The following FKBP15 variants were observed in gnomAD, a reference collection of about 807,000 sequenced individuals.
The protein encoded by FKBP15 is FKBP prolyl isomerase family member 15, also known as FK506-binding protein 15.
A neutral mutation model predicts 158.1 loss-of-function variants in FKBP15; 106 were observed. The ratio of observed to expected loss-of-function variants is 0.67; its 90% CI spans 0.57 to 0.79. The LOEUF is 0.79. FKBP15 is among the 30% of genes least tolerant of loss of function. FKBP15 has a pLI of 0.00. For synonymous variants in FKBP15, 547 were observed against 548.6 expected, an observed-to-expected ratio of 1.00 and a Z score of 0.04; for missense variants, 1,287 against 1,479.1, an observed-to-expected ratio of 0.87 and a Z score of 2.13.
intron 12 of FKBP15, among the ~76,000 whole-genome samples, chr9:113,189,312 TG>T (rs1830535444): frequency 2.0e-5 from 3 of 152,328 alleles, no homozygotes; most frequent in African/African-American, 7.2e-5. Flanking sequence ...AATGATATAA[TG>T]GAACACTGGG....
rs550513892 is a variant in FKBP15, at chr9:113,201,121, T to C, written c.499-1158A>G. ...CATCATTTTTTTTTTTTTAACCAAG[T>C]GAAGAAGACCAAAAGAAAAAAAGGA... On this transcript the variant is annotated intron_variant, in intron 6 of 27. Coordinates refer to ENST00000238256, the MANE Select transcript of FKBP15 (RefSeq NM_015258.2). Among the ~76,000 whole-genome samples the C allele has an allele frequency of 2.0e-5, 3 of 148,060 alleles. No individual in the cohort carries two copies. In the East Asian group the frequency reaches 5.9e-4, roughly 29 times the overall value.
chr9:113,171,998 C>T (rs1484077660), intron 23 of FKBP15, among the ~76,000 whole-genome samples: 1 of 150,990 alleles, frequency 6.6e-6, no homozygotes, highest in Non-Finnish European at 1.5e-5. Flanking sequence ...TCCCTCCCCC[C>T]GTCCCCCAAC....
In FKBP15 at chr9:113,169,890, C is replaced by T. The variant is rs1435965899; in HGVS notation, c.2819G>A (p.Ser940Asn). The T allele has an allele frequency of 1.3e-6, 2 of 1,550,028 alleles. No homozygotes were observed. The highest frequency in any genetic ancestry group is 1.2e-5 in the South Asian group (1 of 84,050). The change falls in exon 26 of 28, where the codon AGC becomes AAC. Residue 940 changes from serine (S) to asparagine (N), a missense_variant. Physicochemically the swap from Ser to Asn is conservative, Grantham distance 46 (BLOSUM62 1). Transcript: ENST00000238256. ...NQQEQEKEES[S>N]SEEEEEKAEE... The stretch of plus-strand genomic sequence containing the variant: ...TGCTTTTTCTTCTTCTTCTTCACTG[C>T]TGCTCTCTTCCTTCTCTTGCTCCTG...
At position 113,190,487 on chromosome 9, in the gene FKBP15, T is replaced by C. The variant is rs765887886; in HGVS notation, c.1157A>G (p.Asn386Ser). The change falls in exon 12 of 28, where the codon AAT becomes AGT. Residue 386 changes from asparagine to serine, a missense_variant. Transcript: ENST00000238256. ...GGGACATACTTCGATTTCTGAATCA[T>C]TGGAATCCAGCTGTGGTGGAAGGAT... is the stretch of plus-strand genomic sequence containing the variant. ...LPILPPQLDS[N>S]DSEIEDVNTL... 16 of 1,610,684 alleles carry C rather than the reference T, an allele frequency of 9.9e-6. No homozygotes were observed. The highest frequency in any genetic ancestry group is 6.7e-5 in the East Asian group (3 of 44,828).
At position 113,161,795 on chromosome 9, in the gene FKBP15, C is replaced by A; in HGVS notation, c.*4283G>T. On this transcript the variant is annotated 3_prime_UTR_variant, in exon 28 of 28. Transcript: ENST00000238256. ...CATTAGCCCCACTTCACAGAGAGGA[C>A]AGCGAGGCCCAGGGAAGGACCAGGA... 7.4e-7 allele frequency: 1 copy of A among 1,346,856 alleles called. No individual in the cohort carries two copies. Among genetic ancestry groups the A allele is most frequent in the South Asian group, 1.2e-5 (1 of 84,324 alleles). 83.4% of individuals were successfully genotyped at this position (1,346,856 alleles called of 1,614,324 possible).
intron 8 of FKBP15, among the ~76,000 whole-genome samples, chr9:113,197,908 A>G (rs1830717290): frequency 6.6e-6 from 1 of 152,234 alleles, no homozygotes; most frequent in Non-Finnish European, 1.5e-5. Context: ...GCTAAGATCT[A>G]TGGGAAAAAG....
At position 113,211,593 on chromosome 9, in the gene FKBP15, C is replaced by T; in HGVS notation, c.54-1G>A. 1 of 1,584,856 alleles carries T rather than the reference C, an allele frequency of 6.3e-7. No homozygotes were observed. On this transcript the variant is annotated splice_acceptor_variant, in intron 1 of 27. Coordinates refer to ENST00000238256, the MANE Select transcript of FKBP15 (RefSeq NM_015258.2). LOFTEE classifies it high-confidence loss of function. ...TCCAAAAAGTGAGGCCAATCTGGCA[C>T]TGTTAGTAGAAAATGAAAAATGAAA...
chr9:113,173,049 T>C (rs1830241348), intron 23 of FKBP15, among the ~76,000 whole-genome samples: 1 of 152,094 alleles, frequency 6.6e-6, no homozygotes, highest in African/African-American at 2.4e-5. Flanking sequence ...CTCTCCTGGG[T>C]ACTTCCTCTT....
chr9:113,162,176 C>G lies in FKBP15; in HGVS notation c.*3902G>C, dbSNP rs1372060420. ...GTTCTGCCCTCTGTCCAGCCCCAGC[C>G]TCACCTGTGCTTAATAAGCCTGCCC... On this transcript the variant is annotated 3_prime_UTR_variant, in exon 28 of 28. Transcript: ENST00000238256. 1 of 304,686 alleles carries G rather than the reference C, an allele frequency of 3.3e-6. No homozygotes were observed. Among genetic ancestry groups the G allele is most frequent in the African/African-American group, 2.3e-5 (1 of 44,184 alleles). The allele number at this position is 304,686 out of a possible 1,614,324, so 18.9% of individuals were successfully genotyped here. A position where few individuals can be genotyped will look rare whatever the true frequency, so the allele number is the denominator to read the frequency against.
Position 113,188,377 on chromosome 9 carries a change from G to A in FKBP15, c.1276+12C>T. On this transcript the variant is annotated intron_variant, in intron 13 of 27. Transcript: ENST00000238256. Reference sequence around the variant, plus strand: ...CAGTTCAAGGCCACAGAGCCTCAGAGAGGTTCCTTACCCTGTGAGGTCATC... The same window carrying A: ...CAGTTCAAGGCCACAGAGCCTCAGAAAGGTTCCTTACCCTGTGAGGTCATC... 6.2e-7 allele frequency: 1 copy of A among 1,601,876 alleles called. No individual in the cohort carries two copies. The highest frequency in any genetic ancestry group is 1.3e-5 in the African/African-American group (1 of 74,808).
chr9:113,189,945 G>A (rs753697417), intron 12 of FKBP15, among the ~76,000 whole-genome samples: 45 of 152,148 alleles, frequency 3.0e-4, no homozygotes, highest in Non-Finnish European at 5.1e-4. Flanking sequence ...GGCTTTCTAA[G>A]CATAATGTCA....
chr9:113,186,551 A>T (rs746993941), intron 14 of FKBP15, 188 bp from the exon 15 acceptor site: 3 of 552,622 alleles, frequency 5.4e-6, no homozygotes, highest in Non-Finnish European at 9.8e-6. Flanking sequence ...TATGTATCCC[A>T]GGGGAAACCA....
At chr9:113,215,955 G>A (rs983909707) in intron 1 of FKBP15, among the ~76,000 whole-genome samples, 4 of 151,656 alleles carry the variant, frequency 2.6e-5, no homozygotes, top group Non-Finnish European at 4.4e-5. Flanking sequence ...CTGACCAAGA[G>A]AATATTTTTG....
Position 113,169,373 on chromosome 9 carries a change from A to G in FKBP15, c.3336T>C (p.Pro1112=), listed in dbSNP as rs769859688. The change falls in exon 26 of 28, where the codon CCT becomes CCC. Residue 1112 remains proline, a synonymous_variant. Coordinates refer to ENST00000238256, the MANE Select transcript of FKBP15 (RefSeq NM_015258.2). ...GAGGCTGAGGCTCTCCTGGGCTTTC[A>G]GGCCCTAAGGCCAGTGGGTCCCCCT... ...PEEGDPLALG[P]ESPGEPQPPQ... is the part of the protein sequence containing the mutation. 3.1e-6 allele frequency: 5 copies of G among 1,614,034 alleles called. No homozygotes were observed. The East Asian group carries it at 6.7e-5, about 22-fold the overall frequency.
chr9:113,210,596 G>A (rs1260886319), intron 2 of FKBP15, among the ~76,000 whole-genome samples: 1 of 152,172 alleles, frequency 6.6e-6, no homozygotes, highest in Non-Finnish European at 1.5e-5. Context: ...CTCCCGAAGT[G>A]ATGGCTAATA....
intron 1 of FKBP15, among the ~76,000 whole-genome samples, chr9:113,214,774 C>A (rs7032611): frequency 0.1 from 15,726 of 152,310 alleles, 1,066 homozygotes; most frequent in Admixed American, 0.16. Context: ...ACTGAAAATC[C>A]GTTGTTTGGT....
At position 113,163,117 on chromosome 9, in the gene FKBP15, T is replaced by C. The variant is rs972504786; in HGVS notation, c.*2961A>G. On this transcript the variant is annotated 3_prime_UTR_variant, in exon 28 of 28. Transcript: ENST00000238256. ...AACCTTCCTTCTCAGCCAGCCTACG[T>C]AGGGCCCAGGCATGGTCTTGTGTCT... 29 of 488,144 alleles carry C rather than the reference T, an allele frequency of 5.9e-5. No individual in the cohort carries two copies. The highest frequency in any genetic ancestry group is 8.7e-5 in the Non-Finnish European group (24 of 276,404). The allele number at this position is 488,144 out of a possible 1,614,324, so 30.2% of individuals were successfully genotyped here. A position where few individuals can be genotyped will look rare whatever the true frequency, so the allele number is the denominator to read the frequency against.
chr9:113,209,664 T>C (rs1003456234), intron 2 of FKBP15, among the ~76,000 whole-genome samples: 2 of 152,250 alleles, frequency 1.3e-5, no homozygotes. Context: ...GGTAGGAACA[T>C]CTTTTGTATA....
At chr9:113,176,483 A>C in intron 21 of FKBP15, 54 bp downstream of exon 21, 1 of 1,517,948 alleles carries the variant, frequency 6.6e-7, no homozygotes. Context: ...GTAAAAGGAA[A>C]ATAAAAATGT....
Sources: allele counts gnomAD v4.1 joint callset (sites outside exome capture counted in the v4.1 genomes callset), GRCh38; gene constraint gnomAD v4.1.1; transcripts MANE v1.5; gene names NCBI Gene and HGNC (gene_info 2026-07-23, HGNC 2026-07-21).